KHDC1: variants seen among roughly 807,000 people sequenced by gnomAD.
The protein encoded by KHDC1 is KH homology domain-containing protein 1.
In KHDC1, 21 loss-of-function variants were observed where a neutral mutation model predicts 24.7. The observed-to-expected ratio is 0.85, with a 90% confidence interval of 0.60 to 1.23. KHDC1 has a LOEUF of 1.23. Ranked by LOEUF, KHDC1 falls within the 50% of genes most tolerant of loss-of-function variation. The pLI, the probability that KHDC1 is intolerant of heterozygous loss-of-function variation, is 0.00. For synonymous variants in KHDC1, 98 were observed against 111.7 expected (o/e 0.88, Z 0.77); for missense variants, 274 against 298.5 (o/e 0.92, Z 0.61).
chr6:73,292,098 G>A (rs1767664367), intron 1 of KHDC1: 1 of 1,606,690 alleles, frequency 6.2e-7, no homozygotes, highest in African/African-American at 1.3e-5. Context: ...GACCTTCTTA[G>A]TGATGCCAAC....
chr6:73,291,132 A>T, intron 2 of KHDC1: 1 of 501,686 alleles, frequency 2.0e-6, no homozygotes, highest in South Asian at 1.5e-5. Flanking sequence ...TGGTTTAAAG[A>T]CATGCAGGTG....
At chr6:73,278,680 ATTG>A (rs1474931671) in intron 2 of KHDC1, among the ~76,000 whole-genome samples, 1 of 152,158 alleles carries the variant, frequency 6.6e-6, no homozygotes, top group Non-Finnish European at 1.5e-5. Flanking sequence ...ATTACAGTAT[ATTG>A]TTGTAATTTT....
intron 1 of KHDC1, chr6:73,300,020 C>T (rs1197256793): frequency 6.6e-6 from 1 of 152,358 alleles, no homozygotes; most frequent in Non-Finnish European, 1.5e-5. Context: ...AGTCTCCTGG[C>T]GTTAAATAAC....
At chr6:73,297,931 C>G (rs35227086) in intron 1 of KHDC1, among the ~76,000 whole-genome samples, 1 of 152,068 alleles carries the variant, frequency 6.6e-6, no homozygotes, top group Non-Finnish European at 1.5e-5. Flanking sequence ...AAAAATCTCC[C>G]TTTGCAAGAT....
chr6:73,250,652 A>C (rs563991279), intron 2 of KHDC1, among the ~76,000 whole-genome samples: 1 of 152,302 alleles, frequency 6.6e-6, no homozygotes, highest in African/African-American at 2.4e-5. Flanking sequence ...ATGCTACATG[A>C]TTCTGGTCCC....
chr6:73,261,232 C>T (rs978737164), intron 2 of KHDC1, among the ~76,000 whole-genome samples: 2 of 152,004 alleles, frequency 1.3e-5, no homozygotes, highest in South Asian at 2.1e-4. Context: ...TACCTGAGGT[C>T]AGGAGTTTGA....
At chr6:73,261,537 AGGCGG>A in intron 2 of KHDC1, among the ~76,000 whole-genome samples, 1 of 151,974 alleles carries the variant, frequency 6.6e-6, no homozygotes, top group African/African-American at 2.4e-5. Flanking sequence ...TGGGAGGTCG[AGGCGG>A]GCGGACCCCT....
chr6:73,285,209 A>G (rs1767497303), intron 2 of KHDC1, among the ~76,000 whole-genome samples: 1 of 152,188 alleles, frequency 6.6e-6, no homozygotes, highest in Non-Finnish European at 1.5e-5. Context: ...CCATAGAAAG[A>G]CAATGTTACT....
At chr6:73,253,521 C>A (rs1171006339) in intron 2 of KHDC1, among the ~76,000 whole-genome samples, 2 of 151,510 alleles carry the variant, frequency 1.3e-5, no homozygotes, top group Non-Finnish European at 2.9e-5. Flanking sequence ...CCACTGCAGT[C>A]CAGCCTGGGT....
chr6:73,308,573 G>A (rs542885500), intron 1 of KHDC1, among the ~76,000 whole-genome samples: 8 of 150,974 alleles, frequency 5.3e-5, no homozygotes, highest in African/African-American at 1.9e-4. Flanking sequence ...GCAGTGTCAC[G>A]ATTTTGGCTC....
At chr6:73,273,194 G>T (rs1236682593) in intron 2 of KHDC1, among the ~76,000 whole-genome samples, 1 of 149,036 alleles carries the variant, frequency 6.7e-6, no homozygotes, top group African/African-American at 2.5e-5. Context: ...TTGAGACGGA[G>T]TCTCTCTCTG....
rs1766646571 is a variant in KHDC1, at chr6:73,245,278, T to A, written c.207-2748A>T. ...AAGATACTTAAGAATCCTCAGTTTA[T>A]GATTCCTCAGTGAATTCCTTTCCAT... On this transcript the variant is annotated intron_variant, in intron 2 of 4. Transcript: ENST00000370384. Among the ~76,000 whole-genome samples the A allele has an allele frequency of 3.9e-5, 6 of 152,332 alleles. No homozygotes were observed. The South Asian group carries it at 1.2e-3, about 32-fold the overall frequency.
At chr6:73,244,379 G>A (rs1766627007) in intron 2 of KHDC1, among the ~76,000 whole-genome samples, 3 of 152,036 alleles carry the variant, frequency 2.0e-5, no homozygotes, top group Admixed American at 2.0e-4. Context: ...GACTAACACT[G>A]CAAGGAGAGA....
intron 2 of KHDC1, among the ~76,000 whole-genome samples, chr6:73,266,136 T>C (rs1027421002): frequency 1.6e-4 from 25 of 151,758 alleles, no homozygotes; most frequent in African/African-American, 6.1e-4. Flanking sequence ...AGCAAAGGAG[T>C]GGATGAGGAT....
At chr6:73,286,969 A>G (rs1767535105) in intron 2 of KHDC1, among the ~76,000 whole-genome samples, 1 of 152,114 alleles carries the variant, frequency 6.6e-6, no homozygotes, top group African/African-American at 2.4e-5. Context: ...TACTACCAGG[A>G]TGGCTCCCAG....
At chr6:73,256,661 A>G (rs1446867434) in intron 2 of KHDC1, among the ~76,000 whole-genome samples, 1 of 152,224 alleles carries the variant, frequency 6.6e-6, no homozygotes, top group Non-Finnish European at 1.5e-5. Flanking sequence ...TGTGACAATA[A>G]TAACAACATG....
At chr6:73,289,315 CAG>C (rs1767583364) in intron 2 of KHDC1, among the ~76,000 whole-genome samples, 1 of 109,868 alleles carries the variant, frequency 9.1e-6, no homozygotes, top group African/African-American at 3.6e-5. Context: ...GCCTGGGCGA[CAG>C]AGTGAGACTC....
At chr6:73,261,545 G>A (rs917454383) in intron 2 of KHDC1, among the ~76,000 whole-genome samples, 15 of 151,688 alleles carry the variant, frequency 9.9e-5, no homozygotes, top group Admixed American at 7.2e-4. Flanking sequence ...CGAGGCGGGC[G>A]GACCCCTTGA....
At chr6:73,279,513 A>G (rs570297805) in intron 2 of KHDC1, among the ~76,000 whole-genome samples, 97 of 152,182 alleles carry the variant, frequency 6.4e-4, no homozygotes, top group Non-Finnish European at 1.1e-3. Context: ...GCATATTAAT[A>G]ATTGGGAAAA....
Sources: gnomAD v4.1 joint callset for allele counts (sites outside exome capture counted in the v4.1 genomes callset) on GRCh38, gnomAD v4.1.1 for gene constraint, MANE v1.5 for transcripts, NCBI Gene and HGNC (gene_info 2026-07-23, HGNC 2026-07-21) for gene names.